Variants in HOXB2 observed in about 807,000 individuals in gnomAD.
HOXB2 encodes homeobox B2.
In HOXB2, 14 loss-of-function variants were observed where a neutral mutation model predicts 13.1. That is an observed-to-expected ratio of 1.07 (90% CI 0.71 to 1.67). HOXB2 has a LOEUF of 1.67. HOXB2 is among the 40% of genes most tolerant of loss of function. HOXB2 has a pLI of 0.00. For missense variants in HOXB2, 582 were observed against 488.3 expected (o/e 1.19, Z -1.81); for synonymous variants, 261 against 233.1 (o/e 1.12, Z -1.09).
rs766016520 is a variant in HOXB2, at chr17:48,543,275, C to T, written c.864G>A (p.Gly288=). 6 of 1,605,824 alleles carry T rather than the reference C, an allele frequency of 3.7e-6. No individual in the cohort carries two copies. The highest frequency in any genetic ancestry group is 5.1e-6 in the Non-Finnish European group (6 of 1,179,116). ...CCGAGAAGACGTCTTCTGGCAATGG[C>T]CCGGGCTCCAGCCCGCCGGCCCCGC... The part of the protein sequence containing the change: ...ALRGAGGLEP[G]PLPEDVFSGR... Residue 288 remains glycine (G), a synonymous_variant, in exon 2 of 2, where the codon GGG becomes GGA. Transcript: ENST00000330070.
Position 48,545,101 on chromosome 17 carries a change from ACT to A in HOXB2, c.-192_-191del, listed in dbSNP as rs906057183. 14 of 512,738 alleles carry A rather than the reference ACT, an allele frequency of 2.7e-5. No individual in the cohort carries two copies. The highest frequency in any genetic ancestry group is 1.1e-4 in the South Asian group (3 of 28,082). The allele number at this position is 512,738 out of a possible 1,614,324, so 31.8% of individuals were successfully genotyped here. On this transcript the variant is annotated 5_prime_UTR_variant, in exon 1 of 2. Coordinates refer to ENST00000330070, the MANE Select transcript of HOXB2 (RefSeq NM_002145.4). ...TGCTGATAAATACAAGCGTATGGGG[ACT>A]CTCTCTATTAAACCCAGGACTCCAG...
chr17:48,544,294 C>T, intron 1 of HOXB2: 1 of 1,371,118 alleles, frequency 7.3e-7, no homozygotes, highest in Middle Eastern at 2.7e-4. Flanking sequence ...CAACCAGCTT[C>T]CAAAATCAGC....
chr17:48,544,639 C>CG lies in HOXB2; in HGVS notation c.272dup (p.Ala92GlyfsTer74), dbSNP rs761024113. On this transcript the variant is annotated frameshift_variant, in exon 1 of 2. Coordinates refer to ENST00000330070, the MANE Select transcript of HOXB2 (RefSeq NM_002145.4). LOFTEE classifies it high-confidence loss of function. ...CTTTCATCCAAGGGAACTCGGGGGC[C>CG]GGGGGGGCAGCGGGGAGTGGCGGCG... 9.6e-5 allele frequency: 155 copies of CG among 1,610,220 alleles called. No homozygotes were observed. Among genetic ancestry groups the CG allele is most frequent in the South Asian group, 5.5e-4 (50 of 90,924 alleles).
In HOXB2 at chr17:48,542,956, T is replaced by C. The variant is rs1215965365; in HGVS notation, c.*112A>G. 1 of 771,680 alleles carries C rather than the reference T, an allele frequency of 1.3e-6. No homozygotes were observed. Among genetic ancestry groups the C allele is most frequent in the Non-Finnish European group, 2.0e-6 (1 of 499,730 alleles). The allele number at this position is 771,680 out of a possible 1,614,324, so 47.8% of individuals were successfully genotyped here. A position where few individuals can be genotyped will look rare whatever the true frequency, so the allele number is the denominator to read the frequency against. ...GATTAAACGCTAATTCAGTAATACC[T>C]GAATTTTAGCAAAACACATAAGTCT... On this transcript the variant is annotated 3_prime_UTR_variant, in exon 2 of 2. Coordinates refer to ENST00000330070, the MANE Select transcript of HOXB2 (RefSeq NM_002145.4).
At chr17:48,543,790 C>CAGCCCAACCTCAGTTCGGACT in intron 1 of HOXB2, 43 bp from the exon 2 acceptor site, 44 of 1,544,494 alleles carry the variant, frequency 2.8e-5, no homozygotes, top group Non-Finnish European at 3.8e-5. Context: ...GCCGTGTACT[C>CAGCCCAACCTCAGTTCGGACT]AGCCCAACCT....
rs1360008720 is a variant in HOXB2, at chr17:48,542,975, T to G, written c.*93A>C. ...AATACCTGAATTTTAGCAAAACACA[T>G]AAGTCTATGCGACTGAGGGTGGGAG... On this transcript the variant is annotated 3_prime_UTR_variant, in exon 2 of 2. Transcript: ENST00000330070. The G allele has an allele frequency of 1.0e-6, 1 of 971,212 alleles. No individual in the cohort carries two copies. The highest frequency in any genetic ancestry group is 1.5e-6 in the Non-Finnish European group (1 of 659,378). The allele number at this position is 971,212 out of a possible 1,614,324, so 60.2% of individuals were successfully genotyped here.
In HOXB2 at chr17:48,542,914, G is replaced by A. The variant is rs1297546186; in HGVS notation, c.*154C>T. ...TAACCGAGTGCCCAATATTTTAGAA[G>A]AAGAAGAAAGGGAGTGGATTAAACG... On this transcript the variant is annotated 3_prime_UTR_variant, in exon 2 of 2. Transcript: ENST00000330070. 4.1e-6 allele frequency: 2 copies of A among 489,660 alleles called. No individual in the cohort carries two copies. Among genetic ancestry groups the A allele is most frequent in the African/African-American group, 2.0e-5 (1 of 49,912 alleles). The allele number at this position is 489,660 out of a possible 1,614,324, so 30.3% of individuals were successfully genotyped here. A position where few individuals can be genotyped will look rare whatever the true frequency, so the allele number is the denominator to read the frequency against.
chr17:48,543,090 G>T lies in HOXB2; in HGVS notation c.1049C>A (p.Ala350Asp). ...ELDFFTSTLCAIDLQFP is the reference protein window; with the variant it reads ...ELDFFTSTLCDIDLQFP ...AGGTTAGGGAAACTGCAGGTCGATG[G>T]CACAGAGCGTACTGGTGAAAAAATC... Residue 350 changes from alanine (A) to aspartate (D), a missense_variant, in exon 2 of 2, where the codon GCC becomes GAC. Coordinates refer to ENST00000330070, the MANE Select transcript of HOXB2 (RefSeq NM_002145.4). 6.2e-7 allele frequency: 1 copy of T among 1,608,166 alleles called. No homozygotes were observed. Among genetic ancestry groups the T allele is most frequent in the Non-Finnish European group, 8.5e-7 (1 of 1,177,608 alleles).
Position 48,544,979 on chromosome 17 carries a change from C to CT in HOXB2, c.-69dup. On this transcript the variant is annotated 5_prime_UTR_variant, in exon 1 of 2. Coordinates refer to ENST00000330070, the MANE Select transcript of HOXB2 (RefSeq NM_002145.4). ...GGAGGGAGGATCGGAAGGGACCCCC[C>CT]TCCTGCACCCCCCCCGATTTATGTA... is the stretch of plus-strand genomic sequence containing the variant. The CT allele has an allele frequency of 7.9e-7, 1 of 1,260,630 alleles. No individual in the cohort carries two copies. Among genetic ancestry groups the CT allele is most frequent in the Non-Finnish European group, 1.1e-6 (1 of 928,594 alleles). The allele number at this position is 1,260,630 out of a possible 1,614,324, so 78.1% of individuals were successfully genotyped here. A position where few individuals can be genotyped will look rare whatever the true frequency, so the allele number is the denominator to read the frequency against.
In HOXB2 at chr17:48,543,492, C is replaced by T; in HGVS notation, c.647G>A (p.Gly216Glu). The T allele has an allele frequency of 6.2e-7, 1 of 1,612,248 alleles. No individual in the cohort carries two copies. Among genetic ancestry groups the T allele is most frequent in the Non-Finnish European group, 8.5e-7 (1 of 1,179,874 alleles). Reference protein sequence around the residue: ...EPPDGEPACPGALEDICDPAE... With the variant: ...EPPDGEPACPEALEDICDPAE... ...AGGGTCGCAGATGTCCTCCAGGGCT[C>T]CCGGGCAGGCAGGCTCCCCATCCGG... The change falls in exon 2 of 2, where the codon GGA becomes GAA. Residue 216 changes from glycine (G) to glutamate (E), a missense_variant. Transcript: ENST00000330070.
Position 48,545,002 on chromosome 17 carries a change from G to A in HOXB2, c.-91C>T, listed in dbSNP as rs1467257068. On this transcript the variant is annotated 5_prime_UTR_variant, in exon 1 of 2. Transcript: ENST00000330070. The stretch of plus-strand genomic sequence containing the variant: ...CCCTCCTGCACCCCCCCCGATTTAT[G>A]TAATGGAGCGATTTTGGGAGGGGGA... The A allele has an allele frequency of 7.8e-7, 1 of 1,287,732 alleles. No homozygotes were observed. The highest frequency in any genetic ancestry group is 2.8e-5 in the Admixed American group (1 of 35,780). 79.8% of individuals were successfully genotyped at this position (1,287,732 alleles called of 1,614,324 possible).
In HOXB2 at chr17:48,543,516, G is replaced by A. The variant is rs758702144; in HGVS notation, c.623C>T (p.Pro208Leu). ...TCCCGGGCAGGCAGGCTCCCCATCCGGCGGCTCTCGGTGCTGCGTCTGCCG... is the reference window on the plus strand; with the variant it reads ...TCCCGGGCAGGCAGGCTCCCCATCCAGCGGCTCTCGGTGCTGCGTCTGCCG... ...HKRQTQHREP[P>L]DGEPACPGAL... Residue 208 changes from proline to leucine, a missense_variant, in exon 2 of 2, where the codon CCG becomes CTG. By Grantham distance (98) the Pro-to-Leu change is moderately conservative (BLOSUM62 -3). Coordinates refer to ENST00000330070, the MANE Select transcript of HOXB2 (RefSeq NM_002145.4). 4.3e-6 allele frequency: 7 copies of A among 1,612,806 alleles called. No individual in the cohort carries two copies. The highest frequency in any genetic ancestry group is 1.7e-4 in the Middle Eastern group (1 of 6,060).
chr17:48,543,774 T>G (rs747914040), intron 1 of HOXB2, 27 bp from the exon 2 acceptor site: 2 of 1,563,936 alleles, frequency 1.3e-6, no homozygotes, highest in Middle Eastern at 1.8e-4. Flanking sequence ...CTCGGCGTCA[T>G]AGCGGGCCGT....
Position 48,543,908 on chromosome 17 carries a change from C to T in HOXB2, c.392-161G>A, listed in dbSNP as rs1186666747. ...GCTCGCTTTACTGCTTTTGGGTTTTCTTCTCTCCCTCTCTAGTCTACAGCC... is the reference window on the plus strand; with the variant it reads ...GCTCGCTTTACTGCTTTTGGGTTTTTTTCTCTCCCTCTCTAGTCTACAGCC... On this transcript the variant is annotated intron_variant, in intron 1 of 1. Transcript: ENST00000330070. 7.3e-6 allele frequency: 10 copies of T among 1,377,842 alleles called. No homozygotes were observed. The African/African-American group carries it at 9.4e-5, about 13-fold the overall frequency. 85.4% of individuals were successfully genotyped at this position (1,377,842 alleles called of 1,614,324 possible).
At position 48,543,404 on chromosome 17, in the gene HOXB2, G is replaced by A; in HGVS notation, c.735C>T (p.Cys245=). 6.3e-7 allele frequency: 1 copy of A among 1,583,538 alleles called. No individual in the cohort carries two copies. Among genetic ancestry groups the A allele is most frequent in the Non-Finnish European group, 8.6e-7 (1 of 1,168,172 alleles). ...PSASRAAWEA[C]CHPPEVVPGA... ...CCGGCACCACCTCCGGCGGGTGACA[G>A]CAGGCTTCCCACGCCGCCCGCGAGG... The change falls in exon 2 of 2, where the codon TGC becomes TGT. Residue 245 remains cysteine (C), a synonymous_variant. Transcript: ENST00000330070.
intron 1 of HOXB2, 83 bp from the exon 2 acceptor site, chr17:48,543,830 A>G: frequency 7.3e-7 from 1 of 1,378,670 alleles, no homozygotes; most frequent in Non-Finnish European, 9.6e-7. Context: ...CTCCAAAACC[A>G]GTATCACCTC....
chr17:48,544,309 G>A (rs2068542788), intron 1 of HOXB2: 2 of 1,394,698 alleles, frequency 1.4e-6, no homozygotes, highest in East Asian at 5.5e-5. Context: ...ATCAGCCATA[G>A]GGAGAGAAAG....
intron 1 of HOXB2, chr17:48,543,983 G>A (rs915512948): frequency 7.7e-7 from 1 of 1,291,082 alleles, no homozygotes; most frequent in Non-Finnish European, 9.8e-7. Context: ...GGCCACGCAG[G>A]GGGCGGAGAG....
intron 1 of HOXB2, 38 bp from the exon 2 acceptor site, chr17:48,543,785 G>A (rs1044919611): frequency 2.6e-6 from 4 of 1,550,970 alleles, no homozygotes; most frequent in African/African-American, 2.7e-5. Context: ...AGCGGGCCGT[G>A]TACTCAGCCC....
Sources: gnomAD v4.1 joint callset for allele counts on GRCh38, gnomAD v4.1.1 for gene constraint, MANE v1.5 for transcripts, NCBI Gene and HGNC (gene_info 2026-07-23, HGNC 2026-07-21) for gene names.